The following CACNA2D2 variants were observed in gnomAD, a reference collection of about 807,000 sequenced individuals.
The protein encoded by CACNA2D2 is calcium voltage-gated channel auxiliary subunit alpha2delta 2.
A neutral mutation model predicts 166.4 loss-of-function variants in CACNA2D2; 48 were observed. The ratio of observed to expected loss-of-function variants is 0.29; its 90% CI spans 0.23 to 0.37. The LOEUF is 0.37. Among genes scored for constraint, CACNA2D2 ranks in the 10% least tolerant of loss-of-function variants. CACNA2D2 has a pLI of 1.00. For missense variants in CACNA2D2, 1,122 were observed against 1,433.0 expected, an observed-to-expected ratio of 0.78 and a Z score of 3.50; for synonymous variants, 561 against 573.7, an observed-to-expected ratio of 0.98 and a Z score of 0.32.
intron 3 of CACNA2D2, among the ~76,000 whole-genome samples, chr3:50,402,612 G>A (rs937168301): frequency 3.3e-5 from 5 of 152,226 alleles, no homozygotes; most frequent in African/African-American, 1.2e-4. Context: ...GGCTACTCCA[G>A]GCTGCTGGGG....
chr3:50,453,943 C>A (rs993689079), intron 2 of CACNA2D2, among the ~76,000 whole-genome samples: 1 of 151,138 alleles, frequency 6.6e-6, no homozygotes, highest in African/African-American at 2.4e-5. Flanking sequence ...CGACCAGGCC[C>A]GGGTCCTGCA....
rs188543573 is a variant in CACNA2D2, at chr3:50,400,986, G to A, written c.406-6818C>T. ...CACCGCGCCTGGCCCATGGCACATCGTAAGGTTCAAACCTACTCTTTTTGT... is the reference window on the plus strand; with the variant it reads ...CACCGCGCCTGGCCCATGGCACATCATAAGGTTCAAACCTACTCTTTTTGT... On this transcript the variant is annotated intron_variant, in intron 3 of 37. Coordinates refer to ENST00000424201, the MANE Select transcript of CACNA2D2 (RefSeq NM_006030.4). Among the ~76,000 whole-genome samples, 102 of 152,288 alleles carry A rather than the reference G, an allele frequency of 6.7e-4. 1 individual carries two copies. The highest frequency in any genetic ancestry group is 5.7e-3 in the Admixed American group (87 of 15,306).
chr3:50,487,582 G>A (rs964061828), intron 1 of CACNA2D2, among the ~76,000 whole-genome samples: 4 of 152,174 alleles, frequency 2.6e-5, no homozygotes, highest in Admixed American at 2.0e-4. Context: ...GTGCTCTGTG[G>A]TGACTCCTTT....
Position 50,493,002 on chromosome 3 carries a change from CAT to C in CACNA2D2, c.206+10214_206+10215del, listed in dbSNP as rs149246088. ...GTAGGATAAAAATGGACTGACCTAA[CAT>C]GTGTGAAATATACCACCGGGGGCCC... On this transcript the variant is annotated intron_variant, in intron 1 of 37. Coordinates refer to ENST00000424201, the MANE Select transcript of CACNA2D2 (RefSeq NM_006030.4). 3.4e-3 allele frequency among the ~76,000 whole-genome samples: 519 copies of C among 152,292 alleles called. 6 individuals carry two copies. In the East Asian group the frequency reaches 0.05, roughly 15 times the overall value.
intron 2 of CACNA2D2, among the ~76,000 whole-genome samples, chr3:50,442,909 A>G (rs1708667078): frequency 6.6e-6 from 1 of 152,170 alleles, no homozygotes; most frequent in African/African-American, 2.4e-5. Context: ...CAGGGGAGAC[A>G]ATTCTGGCAC....
intron 2 of CACNA2D2, among the ~76,000 whole-genome samples, chr3:50,462,672 T>C (rs192451972): frequency 8.7e-4 from 132 of 151,770 alleles, no homozygotes; most frequent in African/African-American, 3.0e-3. Context: ...TGCCTAAAAC[T>C]GAACAATCAA....
Position 50,366,237 on chromosome 3 carries a change from C to G in CACNA2D2, c.2709+30G>C, listed in dbSNP as rs1704273452. 1 of 1,613,950 alleles carries G rather than the reference C, an allele frequency of 6.2e-7. No homozygotes were observed. Among genetic ancestry groups the G allele is most frequent in the Non-Finnish European group, 8.5e-7 (1 of 1,179,944 alleles). ...CCCCTAGAAGGCTCAAATCCCTACT[C>G]TCTTCTTTCACTCTCTTCCTGATCC... On this transcript the variant is annotated intron_variant, in intron 31 of 37. Coordinates refer to ENST00000424201, the MANE Select transcript of CACNA2D2 (RefSeq NM_006030.4). The surrounding 1 kb of genome is among the most constrained non-coding windows in gnomAD (Gnocchi z 5.9).
At position 50,496,786 on chromosome 3, in the gene CACNA2D2, T is replaced by A. The variant is rs565455551; in HGVS notation, c.206+6432A>T. ...GAAGTTCCCAAGGTCACACAGCTGT[T>A]GAGAGGTGTGGCAGAGTCTCAGTGC... On this transcript the variant is annotated intron_variant, in intron 1 of 37. Coordinates refer to ENST00000424201, the MANE Select transcript of CACNA2D2 (RefSeq NM_006030.4). 2.2e-3 allele frequency among the ~76,000 whole-genome samples: 333 copies of A among 152,158 alleles called. 3 individuals are homozygous for A. Among genetic ancestry groups the A allele is most frequent in the African/African-American group, 7.4e-3 (306 of 41,442 alleles).
chr3:50,374,443 A>G (rs914483384), intron 22 of CACNA2D2, among the ~76,000 whole-genome samples: 2 of 151,092 alleles, frequency 1.3e-5, no homozygotes, highest in African/African-American at 2.4e-5. Context: ...TGCAGCCCCC[A>G]GGAGTGTGTG....
intron 2 of CACNA2D2, among the ~76,000 whole-genome samples, chr3:50,439,743 C>G (rs1236935543): frequency 6.6e-6 from 1 of 152,218 alleles, no homozygotes; most frequent in East Asian, 1.9e-4. Flanking sequence ...AGGCCGGGGT[C>G]AGCTGCCAGA....
intron 5 of CACNA2D2, among the ~76,000 whole-genome samples, chr3:50,385,414 T>TC (rs989175258): frequency 6.6e-6 from 1 of 152,002 alleles, no homozygotes; most frequent in African/African-American, 2.4e-5. Flanking sequence ...CCCCCATGGG[T>TC]CCACGTGGGC....
At chr3:50,381,248 G>A (rs587744140) in intron 6 of CACNA2D2, 122 bp from the exon 7 acceptor site, 4 of 1,183,994 alleles carry the variant, frequency 3.4e-6, no homozygotes, top group African/African-American at 3.0e-5. Flanking sequence ...GCCTATCCAG[G>A]CCCTCCCTAT....
intron 3 of CACNA2D2, among the ~76,000 whole-genome samples, chr3:50,433,621 G>A (rs946471460): frequency 2.0e-5 from 3 of 152,052 alleles, no homozygotes; most frequent in South Asian, 2.1e-4. Context: ...ACTCATTTAC[G>A]TATGACCTTC....
At chr3:50,488,629 C>T (rs1217473122) in intron 1 of CACNA2D2, among the ~76,000 whole-genome samples, 3 of 150,614 alleles carry the variant, frequency 2.0e-5, no homozygotes, top group Admixed American at 6.6e-5. Flanking sequence ...CTGCTGCAGC[C>T]CCTCTACCAC....
At position 50,380,973 on chromosome 3, in the gene CACNA2D2, G is replaced by A. The variant is rs780106421; in HGVS notation, c.784+22C>T. 3.1e-6 allele frequency: 5 copies of A among 1,612,964 alleles called. No individual in the cohort carries two copies. Among genetic ancestry groups the A allele is most frequent in the Non-Finnish European group, 4.2e-6 (5 of 1,179,302 alleles). On this transcript the variant is annotated intron_variant, in intron 7 of 37. Transcript: ENST00000424201. This position sits in a 1 kb window ranked among gnomAD's most constrained non-coding sequence, Gnocchi z 4.9. The stretch of plus-strand genomic sequence containing the variant: ...AGAAAGGCGAGGTGCTGGGTAGACA[G>A]GGGACAGGGGCTGGTACCTACCCGG...
At chr3:50,446,619 G>A (rs1485663097) in intron 2 of CACNA2D2, among the ~76,000 whole-genome samples, 2 of 152,226 alleles carry the variant, frequency 1.3e-5, no homozygotes, top group Non-Finnish European at 2.9e-5. Context: ...GGGGTCAGCT[G>A]AGTCTCGGGT....
chr3:50,379,976 G>C lies in CACNA2D2; in HGVS notation c.885C>G (p.Ile295Met). 2 of 1,614,032 alleles carry C rather than the reference G, an allele frequency of 1.2e-6. No individual in the cohort carries two copies. Among genetic ancestry groups the C allele is most frequent in the Non-Finnish European group, 1.7e-6 (2 of 1,180,024 alleles). ...CAGCACTGCTCACTCACACATCCAC[G>C]ATGATGACCATGTCTTTGGGTGACG... Reference protein sequence around the residue: ...GASSPKDMVIIVDVSGSVSGL... With the variant: ...GASSPKDMVIMVDVSGSVSGL... The change falls in exon 9 of 38, where the codon ATC becomes ATG. Residue 295 changes from isoleucine (I) to methionine (M), a missense_variant. By Grantham distance (10) the Ile-to-Met change is conservative (BLOSUM62 1). Around this residue, in one of 2 missense-constraint regions of CACNA2D2, gnomAD observed 840 missense variants for 1,166.8 expected, o/e 0.72. Coordinates refer to ENST00000424201, the MANE Select transcript of CACNA2D2 (RefSeq NM_006030.4). The surrounding 1 kb of genome is among the most constrained non-coding windows in gnomAD (Gnocchi z 6.5).
intron 4 of CACNA2D2, among the ~76,000 whole-genome samples, chr3:50,390,040 CTCTG>C (rs1265668271): frequency 2.0e-5 from 3 of 152,110 alleles, no homozygotes; most frequent in Admixed American, 6.5e-5. Context: ...CTGAGAAGGC[CTCTG>C]TCTGCTTGGG....
chr3:50,384,136 G>A, intron 6 of CACNA2D2, 60 bp downstream of exon 6: 1 of 1,594,656 alleles, frequency 6.3e-7, no homozygotes, highest in Non-Finnish European at 8.6e-7. Flanking sequence ...GAATGCCCTG[G>A]CAGTGGGCCT....
Sources: allele counts gnomAD v4.1 joint callset (sites outside exome capture counted in the v4.1 genomes callset), GRCh38; gene constraint gnomAD v4.1.1; regional missense constraint gnomAD v4.1.1; non-coding constraint Gnocchi (gnomAD v3.1); transcripts MANE v1.5; gene names NCBI Gene and HGNC (gene_info 2026-07-23, HGNC 2026-07-21).